The following STK24 variants were observed in gnomAD, a reference collection of about 807,000 sequenced individuals.
The protein encoded by STK24 is serine/threonine kinase 24, also known as serine/threonine-protein kinase 24.
Under a neutral mutation model 55.6 loss-of-function variants are expected in STK24, and 21 were observed. That is an observed-to-expected ratio of 0.38 (90% confidence interval 0.27 to 0.54). The LOEUF is 0.54. Among genes scored for constraint, STK24 ranks in the 20% least tolerant of loss-of-function variants. STK24 has a pLI of 0.79. For missense variants in STK24, 383 were observed against 538.4 expected (o/e 0.71, Z 2.86); for synonymous variants, 200 against 215.2 (o/e 0.93, Z 0.62).
rs147615546 is a variant in STK24, at chr13:98,515,235, T to C, written c.273+4008A>G. Among the ~76,000 whole-genome samples the C allele has an allele frequency of 1.8e-3, 277 of 152,202 alleles. 2 individuals are homozygous for C. The highest frequency in any genetic ancestry group is 6.4e-3 in the African/African-American group (264 of 41,506). On this transcript the variant is annotated intron_variant, in intron 2 of 10. Transcript: ENST00000539966. ...ACAATTATATGTCTTCACTGCCTAA[T>C]TAAAATACAAAACCAAAAAATTCTC...
intron 7 of STK24, among the ~76,000 whole-genome samples, chr13:98,462,188 A>T (rs542540690): frequency 6.6e-6 from 1 of 152,052 alleles, no homozygotes; most frequent in Admixed American, 6.5e-5. Flanking sequence ...CCTCCCTGGG[A>T]GCCCATCTCT....
Position 98,451,010 on chromosome 13 carries a change from G to C in STK24, c.*2163C>G, listed in dbSNP as rs1181861000. The C allele has an allele frequency of 6.6e-6, 1 of 152,212 alleles. No individual in the cohort carries two copies. Among genetic ancestry groups the C allele is most frequent in the Admixed American group, 6.5e-5 (1 of 15,288 alleles). 9.4% of individuals were successfully genotyped at this position (152,212 alleles called of 1,614,324 possible). A position where few individuals can be genotyped will look rare whatever the true frequency, so the allele number is the denominator to read the frequency against. ...TTGTTGCTCTACGGGGGAAGGGGCT[G>C]AGTATGATTTGTCTGGCGACTGCAG... On this transcript the variant is annotated 3_prime_UTR_variant, in exon 11 of 11. Coordinates refer to ENST00000539966, the MANE Select transcript of STK24 (RefSeq NM_001032296.4).
In STK24 at chr13:98,474,787, G is replaced by A. The variant is rs371543197; in HGVS notation, c.597+34C>T. ...AAAAGGCGGGAGCCCTCCAGGCCTCGTGAGGCACGGCGCCGCCCTCACCCT... is the reference window on the plus strand; with the variant it reads ...AAAAGGCGGGAGCCCTCCAGGCCTCATGAGGCACGGCGCCGCCCTCACCCT... On this transcript the variant is annotated intron_variant, in intron 5 of 10. Transcript: ENST00000539966. The A allele has an allele frequency of 6.6e-5, 103 of 1,569,918 alleles. No homozygotes were observed. The African/African-American group carries it at 1.2e-3, about 19-fold the overall frequency.
Position 98,519,407 on chromosome 13 carries a change from C to A in STK24, c.109G>T (p.Glu37Ter). 1 of 1,614,228 alleles carries A rather than the reference C, an allele frequency of 6.2e-7. No individual in the cohort carries two copies. Among genetic ancestry groups the A allele is most frequent in the Non-Finnish European group, 8.5e-7 (1 of 1,180,048 alleles). The change falls in exon 2 of 11, where the codon GAG becomes TAG. Residue 37 changes from glutamate (E) to a stop codon, truncating the protein, a stop_gained. Coordinates refer to ENST00000539966, the MANE Select transcript of STK24 (RefSeq NM_001032296.4). LOFTEE classifies it high-confidence loss of function. ...LEKIGKGSFG[E>*]VFKGIDNRTQ... The stretch of plus-strand genomic sequence containing the variant: ...CGATTGTCAATGCCTTTGAACACCT[C>A]TCCAAAGGAGCCCTTCCCAATTTTC...
At position 98,488,129 on chromosome 13, in the gene STK24, C is replaced by T. The variant is rs1486965329; in HGVS notation, c.274-5808G>A. 3.4e-5 allele frequency among the ~76,000 whole-genome samples: 5 copies of T among 149,010 alleles called. No individual in the cohort carries two copies. The Admixed American group carries it at 3.4e-4, about 10-fold the overall frequency. On this transcript the variant is annotated intron_variant, in intron 2 of 10. Coordinates refer to ENST00000539966, the MANE Select transcript of STK24 (RefSeq NM_001032296.4). ...GAGCTCATTAGGGTGGGCCCTGATC[C>T]AATACGGCTGGTGTCATAAAAAGAG...
At chr13:98,501,868 T>C (rs1320531706) in intron 2 of STK24, among the ~76,000 whole-genome samples, 2 of 152,232 alleles carry the variant, frequency 1.3e-5, no homozygotes, top group East Asian at 3.9e-4. Context: ...TTTGGTGCCT[T>C]TATTAAGAAG....
chr13:98,556,384 T>C (rs537023788), intron 1 of STK24, among the ~76,000 whole-genome samples: 2 of 152,370 alleles, frequency 1.3e-5, no homozygotes, highest in African/African-American at 4.8e-5. Context: ...CACACCTGCC[T>C]AAGAAGTAAG....
At chr13:98,482,114 A>G (rs1463903596) in intron 3 of STK24, 151 bp downstream of exon 3, 1 of 441,726 alleles carries the variant, frequency 2.3e-6, no homozygotes, top group Non-Finnish European at 4.1e-6. Flanking sequence ...ATATATAAGA[A>G]GCAAAAAAAC....
chr13:98,536,502 C>T (rs1707087989), intron 1 of STK24, among the ~76,000 whole-genome samples: 3 of 152,022 alleles, frequency 2.0e-5, no homozygotes, highest in Admixed American at 2.0e-4. Context: ...GTAGCTGAGA[C>T]TACAGATGTG....
At chr13:98,521,979 A>C in intron 1 of STK24, 3 of 1,424,678 alleles carry the variant, frequency 2.1e-6, no homozygotes, top group Non-Finnish European at 2.8e-6. Flanking sequence ...AACAAACGAA[A>C]GCACTCTCCC....
rs577024568 is a variant in STK24 at position 98,563,250 on chromosome 13, G to C, written c.42+13495C>G. Among the ~76,000 whole-genome samples the C allele has an allele frequency of 3.9e-5, 6 of 152,286 alleles. No individual in the cohort carries two copies. In the South Asian group the frequency reaches 1.2e-3, roughly 32 times the overall value. ...GGTCAATTTTGGGAGTGTGTACCCA[G>C]AATACCGATGCTATTAGATGGCACA... On this transcript the variant is annotated intron_variant, in intron 1 of 10. Coordinates refer to ENST00000539966, the MANE Select transcript of STK24 (RefSeq NM_001032296.4).
rs1440017263 is a variant in STK24 at position 98,549,714 on chromosome 13, A to G, written c.42+27031T>C. 1.2e-4 allele frequency among the ~76,000 whole-genome samples: 18 copies of G among 152,210 alleles called. No homozygotes were observed. The South Asian group carries it at 1.2e-3, about 11-fold the overall frequency. ...GTACCATGCTTCCTGTACAGCCTGC[A>G]GAACCATAAGCCAACTAAACCTCTT... On this transcript the variant is annotated intron_variant, in intron 1 of 10. Transcript: ENST00000539966.
intron 2 of STK24, among the ~76,000 whole-genome samples, chr13:98,506,816 C>T (rs1269235604): frequency 1.3e-5 from 2 of 152,160 alleles, no homozygotes; most frequent in Non-Finnish European, 2.9e-5. Context: ...ATACGGTGGC[C>T]GTGAGTAAGA....
rs569234846 is a variant in STK24, at chr13:98,512,245, T to C, written c.273+6998A>G. ...GAAAAACAAACCCATACATACACCATACACAAAACCATGTTTTCTCTATTG... is the reference window on the plus strand; with the variant it reads ...GAAAAACAAACCCATACATACACCACACACAAAACCATGTTTTCTCTATTG... On this transcript the variant is annotated intron_variant, in intron 2 of 10. Transcript: ENST00000539966. Among the ~76,000 whole-genome samples the C allele has an allele frequency of 3.9e-5, 6 of 152,224 alleles. No homozygotes were observed. In the East Asian group the frequency reaches 9.6e-4, roughly 24 times the overall value.
intron 1 of STK24, 33 bp from the exon 2 acceptor site, chr13:98,519,506 T>C: frequency 1.3e-6 from 2 of 1,530,508 alleles, no homozygotes; most frequent in Non-Finnish European, 1.8e-6. Flanking sequence ...AGGGAAACTT[T>C]AGTCCCTCAT....
chr13:98,543,376 A>G (rs1193079049), intron 1 of STK24, among the ~76,000 whole-genome samples: 2 of 152,142 alleles, frequency 1.3e-5, no homozygotes, highest in Non-Finnish European at 2.9e-5. Flanking sequence ...CACCAAGCAA[A>G]AAAGGTCTCC....
intron 2 of STK24, among the ~76,000 whole-genome samples, chr13:98,485,819 G>A (rs565070677): frequency 6.6e-6 from 1 of 152,364 alleles, no homozygotes; most frequent in South Asian, 2.1e-4. Flanking sequence ...CGGCCCGGGG[G>A]ACCGGATGGA....
At chr13:98,543,478 C>T (rs937228789) in intron 1 of STK24, among the ~76,000 whole-genome samples, 2 of 152,174 alleles carry the variant, frequency 1.3e-5, no homozygotes, top group Admixed American at 6.5e-5. Flanking sequence ...CATTCTGGTG[C>T]GTAATAAAGG....
Position 98,448,987 on chromosome 13 carries a change from T to C in STK24, c.*4186A>G, listed in dbSNP as rs1345791269. On this transcript the variant is annotated 3_prime_UTR_variant, in exon 11 of 11. Coordinates refer to ENST00000539966, the MANE Select transcript of STK24 (RefSeq NM_001032296.4). ...CAAATCGTTTTAAGTGGTAACTCTT[T>C]CCAACCGTAGCAGGGTTGTTTTCTG... 6.6e-6 allele frequency: 1 copy of C among 152,244 alleles called. No individual in the cohort carries two copies. Among genetic ancestry groups the C allele is most frequent in the Admixed American group, 6.5e-5 (1 of 15,286 alleles). 9.4% of individuals were successfully genotyped at this position (152,244 alleles called of 1,614,324 possible).
Sources: allele counts gnomAD v4.1 joint callset (sites outside exome capture counted in the v4.1 genomes callset), GRCh38; gene constraint gnomAD v4.1.1; transcripts MANE v1.5; gene names NCBI Gene and HGNC (gene_info 2026-07-23, HGNC 2026-07-21).